SLC33A1: variants seen among roughly 807,000 people sequenced by gnomAD.
The protein encoded by SLC33A1 is acetyl-coenzyme A transporter 1.
A neutral mutation model predicts 50.0 loss-of-function variants in SLC33A1; 20 were observed. The observed-to-expected ratio is 0.40, with a 90% confidence interval of 0.28 to 0.58. The LOEUF (loss-of-function observed/expected upper bound fraction) is 0.58. Ranked by LOEUF, SLC33A1 falls within the 20% of genes least tolerant of loss-of-function variation. The pLI is 0.44. For synonymous variants in SLC33A1, 265 were observed against 251.8 expected (o/e 1.05, Z -0.50); for missense variants, 476 against 657.0 (o/e 0.72, Z 3.01).
In SLC33A1 at chr3:155,823,822, C is replaced by T. The variant is rs1426143058; in HGVS notation, c.*4388G>A. The T allele has an allele frequency of 1.3e-5, 2 of 152,068 alleles. No individual in the cohort carries two copies. Among genetic ancestry groups the T allele is most frequent in the Non-Finnish European group, 1.5e-5 (1 of 68,080 alleles). The allele number at this position is 152,068 out of a possible 1,614,324, so 9.4% of individuals were successfully genotyped here. Reference sequence around the variant, plus strand: ...CGCCTCCCGGGCTCAAGCAATTCTCCTGCCTCAGCCTCCCTAGTAGCTGGG... The same window carrying T: ...CGCCTCCCGGGCTCAAGCAATTCTCTTGCCTCAGCCTCCCTAGTAGCTGGG... On this transcript the variant is annotated 3_prime_UTR_variant, in exon 6 of 6. Transcript: ENST00000643144.
intron 4 of SLC33A1, among the ~76,000 whole-genome samples, chr3:155,832,239 C>T (rs2109309585): frequency 6.6e-6 from 1 of 152,210 alleles, no homozygotes; most frequent in East Asian, 1.9e-4. Flanking sequence ...ATGAGCCGGG[C>T]ATGGTGGTAC....
intron 1 of SLC33A1, chr3:155,844,765 G>C (rs1272532783): frequency 6.6e-6 from 1 of 151,932 alleles, no homozygotes; most frequent in African/African-American, 2.4e-5. Context: ...ACCACGCCCA[G>C]TATAAAATAA....
At chr3:155,848,721 C>T (rs1309182528) in intron 1 of SLC33A1, among the ~76,000 whole-genome samples, 1 of 152,044 alleles carries the variant, frequency 6.6e-6, no homozygotes, top group Non-Finnish European at 1.5e-5. Context: ...TCTTGGGATC[C>T]TATTGTCACA....
At chr3:155,833,766 A>G (rs1664429912) in intron 3 of SLC33A1, 91 bp downstream of exon 3, 2 of 1,105,574 alleles carry the variant, frequency 1.8e-6, no homozygotes, top group Admixed American at 3.6e-5. Context: ...CTTTTTCCAT[A>G]TATATAATTC....
rs1386582678 is a variant in SLC33A1 at position 155,824,476 on chromosome 3, T to C, written c.*3734A>G. 2 of 152,266 alleles carry C rather than the reference T, an allele frequency of 1.3e-5. No homozygotes were observed. Among genetic ancestry groups the C allele is most frequent in the African/African-American group, 4.8e-5 (2 of 41,470 alleles). The allele number at this position is 152,266 out of a possible 1,614,324, so 9.4% of individuals were successfully genotyped here. On this transcript the variant is annotated 3_prime_UTR_variant, in exon 6 of 6. Transcript: ENST00000643144. The stretch of plus-strand genomic sequence containing the variant: ...AGGTTAAATCATGAAGATTTCTCTT[T>C]TGTAGGATATAATTCACCCCTGTGG...
chr3:155,837,302 G>A (rs987573518), intron 2 of SLC33A1, among the ~76,000 whole-genome samples: 2 of 147,188 alleles, frequency 1.4e-5, no homozygotes, highest in East Asian at 4.0e-4. Context: ...CTTGCAGTGA[G>A]CCGAGATCGC....
At position 155,828,227 on chromosome 3, in the gene SLC33A1, A is replaced by G; in HGVS notation, c.1633T>C (p.Cys545Arg). The G allele has an allele frequency of 1.2e-6, 2 of 1,613,032 alleles. No individual in the cohort carries two copies. The highest frequency in any genetic ancestry group is 1.7e-6 in the Non-Finnish European group (2 of 1,179,092). ...CATATATATTAATTGTTCCTTTTGC[A>G]TTTCCACGAAGATGATCCTTCATCC... ...LQDEGSSSWKCKRNN is the reference protein window; with the variant it reads ...LQDEGSSSWKRKRNN The change falls in exon 6 of 6, where the codon TGC (cysteine) becomes CGC (arginine). Residue 545 changes from cysteine (C) to arginine (R), a missense_variant. Physicochemically the swap from Cys to Arg is radical, Grantham distance 180. Transcript: ENST00000643144.
At position 155,853,885 on chromosome 3, in the gene SLC33A1, CTG is replaced by C; in HGVS notation, c.111_112del (p.Asp37GlufsTer68). 1 of 1,558,890 alleles carries C rather than the reference CTG, an allele frequency of 6.4e-7. No individual in the cohort carries two copies. The highest frequency in any genetic ancestry group is 1.2e-5 in the South Asian group (1 of 81,950). ...TTCCCGGCCCGCTGAGTCCAAATGA[CTG>C]TCATCCCAACCGCCTGGCGGCAGGG... On this transcript the variant is annotated frameshift_variant, in exon 1 of 6. Transcript: ENST00000643144. LOFTEE classifies it high-confidence loss of function.
chr3:155,853,926 A>G lies in SLC33A1; in HGVS notation c.72T>C (p.Asp24=). 1 of 1,537,736 alleles carries G rather than the reference A, an allele frequency of 6.5e-7. No homozygotes were observed. The highest frequency in any genetic ancestry group is 8.7e-7 in the Non-Finnish European group (1 of 1,147,344). ...RRPGNFSHSL[D]MKSGPLPPGG... ...CTGGCGGCAGGGGACCGCTCTTCATATCCAGAGAGTGACTGAAATTCCCTG... is the reference window on the plus strand; with the variant it reads ...CTGGCGGCAGGGGACCGCTCTTCATGTCCAGAGAGTGACTGAAATTCCCTG... Residue 24 remains aspartate (D), a synonymous_variant, in exon 1 of 6, where the codon GAT becomes GAC. Coordinates refer to ENST00000643144, the MANE Select transcript of SLC33A1 (RefSeq NM_004733.4).
intron 2 of SLC33A1, among the ~76,000 whole-genome samples, chr3:155,840,238 G>A (rs907548873): frequency 6.6e-6 from 1 of 151,036 alleles, no homozygotes; most frequent in African/African-American, 2.4e-5. Context: ...CAGGCGCCTG[G>A]CACCACACCC....
chr3:155,828,417 A>T (rs1267422447), intron 5 of SLC33A1, 40 bp from the exon 6 acceptor site: 1 of 1,239,678 alleles, frequency 8.1e-7, no homozygotes, highest in Admixed American at 1.7e-5. Flanking sequence ...CACAATTTCA[A>T]AATGAAAGTA....
At chr3:155,842,782 G>T in intron 1 of SLC33A1, 163 bp from the exon 2 acceptor site, 1 of 433,278 alleles carries the variant, frequency 2.3e-6, no homozygotes, top group Non-Finnish European at 4.0e-6. Context: ...GCCAAGGTGG[G>T]AGGATTACTT....
At chr3:155,838,209 A>C (rs1752773845) in intron 2 of SLC33A1, among the ~76,000 whole-genome samples, 2 of 151,748 alleles carry the variant, frequency 1.3e-5, no homozygotes, top group Admixed American at 6.6e-5. Flanking sequence ...AGGCTGAGGC[A>C]GGAGAATCTC....
At chr3:155,837,374 A>AC (rs1560016132) in intron 2 of SLC33A1, among the ~76,000 whole-genome samples, 3 of 151,894 alleles carry the variant, frequency 2.0e-5, no homozygotes, top group Non-Finnish European at 4.4e-5. Flanking sequence ...AAAAAAAAAA[A>AC]AAGATAATAT....
chr3:155,854,060 G>A lies in SLC33A1; in HGVS notation c.-63C>T. 1.4e-6 allele frequency: 2 copies of A among 1,385,406 alleles called. No individual in the cohort carries two copies. Among genetic ancestry groups the A allele is most frequent in the Non-Finnish European group, 1.9e-6 (2 of 1,027,198 alleles). The allele number at this position is 1,385,406 out of a possible 1,614,324, so 85.8% of individuals were successfully genotyped here. ...AGGCTGAGCGTTTTGGATCCGTCCA[G>A]TCCCAGGTCCAAGGCTGTCGCGCTG... On this transcript the variant is annotated 5_prime_UTR_variant, in exon 1 of 6. Coordinates refer to ENST00000643144, the MANE Select transcript of SLC33A1 (RefSeq NM_004733.4).
chr3:155,833,707 A>T, intron 3 of SLC33A1, 122 bp from the exon 4 acceptor site: 1 of 939,344 alleles, frequency 1.1e-6, no homozygotes, highest in Non-Finnish European at 1.7e-6. Flanking sequence ...AGGAGGTTAA[A>T]AAGATAAAAG....
intron 1 of SLC33A1, among the ~76,000 whole-genome samples, chr3:155,848,740 A>T (rs773375909): frequency 6.6e-6 from 1 of 151,972 alleles, no homozygotes; most frequent in African/African-American, 2.4e-5. Context: ...CAAAACTACA[A>T]CTTACTAGAG....
At chr3:155,850,621 C>CTT (rs113648327) in intron 1 of SLC33A1, among the ~76,000 whole-genome samples, 2 of 144,134 alleles carry the variant, frequency 1.4e-5, no homozygotes, top group Admixed American at 7.0e-5. Flanking sequence ...CTGACTTATT[C>CTT]TTTTTTTTTT....
In SLC33A1 at chr3:155,827,543, C is replaced by T. The variant is rs2109301070; in HGVS notation, c.*667G>A. On this transcript the variant is annotated 3_prime_UTR_variant, in exon 6 of 6. Transcript: ENST00000643144. ...GAATCAATAAGTTTAAAAATCATAA[C>T]TTTCATTTTATAAAAAATAGTTTGA... The T allele has an allele frequency of 6.6e-6, 1 of 152,180 alleles. No individual in the cohort carries two copies. Among genetic ancestry groups the T allele is most frequent in the South Asian group, 2.1e-4 (1 of 4,824 alleles). 9.4% of individuals were successfully genotyped at this position (152,180 alleles called of 1,614,324 possible).
Sources: allele counts gnomAD v4.1 joint callset (sites outside exome capture counted in the v4.1 genomes callset), GRCh38; gene constraint gnomAD v4.1.1; transcripts MANE v1.5; gene names NCBI Gene and HGNC (gene_info 2026-07-23, HGNC 2026-07-21).